Variants in ROS1 observed in about 807,000 individuals in gnomAD.
ROS1 encodes proto-oncogene tyrosine-protein kinase ROS.
A neutral mutation model predicts 273.5 loss-of-function variants in ROS1; 263 were observed. That is an observed-to-expected ratio of 0.96 (90% confidence interval 0.87 to 1.06). ROS1 has a LOEUF of 1.06. ROS1 is among the 50% of genes least tolerant of loss of function. The pLI is 0.00. For synonymous variants in ROS1, 1,008 were observed against 954.1 expected (o/e 1.06, Z -1.04); for missense variants, 2,833 against 2,751.1 (o/e 1.03, Z -0.67).
rs1778554548 is a variant in ROS1 at position 117,348,520 on chromosome 6, C to T, written c.4304-4258G>A. On this transcript the variant is annotated intron_variant, in intron 27 of 43. Coordinates refer to ENST00000368507, the MANE Select transcript of ROS1 (RefSeq NM_001378902.1). ...GGCTTATCAATTTTATTTATCTTTT[C>T]AAAGAACCAGTTTTTGGCTTCATTG... is the stretch of plus-strand genomic sequence containing the variant. 3.3e-5 allele frequency among the ~76,000 whole-genome samples: 5 copies of T among 151,896 alleles called. No homozygotes were observed. In the South Asian group the frequency reaches 1.0e-3, roughly 32 times the overall value.
intron 8 of ROS1, 151 bp downstream of exon 8, chr6:117,396,764 G>T: frequency 1.6e-6 from 1 of 630,474 alleles, no homozygotes; most frequent in Non-Finnish European, 2.8e-6. Flanking sequence ...ATATAAGCCT[G>T]AGGAAAACCA....
Position 117,396,232 on chromosome 6 carries a change from TC to T in ROS1, c.838del (p.Glu280ArgfsTer31), listed in dbSNP as rs753450078. 4 of 1,613,584 alleles carry T rather than the reference TC, an allele frequency of 2.5e-6. No individual in the cohort carries two copies. In the South Asian group the frequency reaches 4.4e-5, roughly 18 times the overall value. ...AATACTAGATTCTGCTTCTGGACCC[TC>T]ACCAACTTCATTTACTGCTGCAATA... The part of the protein sequence containing the change: ...FSIAAVNEVG[E>X]GPEAESSITT... On this transcript the variant is annotated frameshift_variant, in exon 9 of 44. Coordinates refer to ENST00000368507, the MANE Select transcript of ROS1 (RefSeq NM_001378902.1). LOFTEE classifies it high-confidence loss of function.
rs759593741 is a variant in ROS1, at chr6:117,403,133, C to T, written c.604+6G>A. On this transcript the variant is annotated splice_donor_region_variant and intron_variant, in intron 7 of 43. Coordinates refer to ENST00000368507, the MANE Select transcript of ROS1 (RefSeq NM_001378902.1). ...TCCTTTCATAAGAAATGTGTGCACA[C>T]CATACCTCCATGAGGATGAGTCCTG... 4.3e-6 allele frequency: 7 copies of T among 1,613,636 alleles called. No homozygotes were observed. In the South Asian group the frequency reaches 6.6e-5, roughly 15 times the overall value.
chr6:117,339,399 AG>A (rs1190813716), intron 31 of ROS1, among the ~76,000 whole-genome samples: 10 of 152,244 alleles, frequency 6.6e-5, no homozygotes, highest in African/African-American at 2.2e-4. Context: ...ACAGAGACAA[AG>A]TTTATCATTT....
chr6:117,383,905 G>A (rs572142606), intron 16 of ROS1, among the ~76,000 whole-genome samples: 1 of 152,162 alleles, frequency 6.6e-6, no homozygotes, highest in Non-Finnish European at 1.5e-5. Flanking sequence ...TATCAGTGTA[G>A]TTCCCTAATA....
chr6:117,326,135 TTATC>T (rs1776629189), intron 34 of ROS1, 85 bp downstream of exon 34: 2 of 421,254 alleles, frequency 4.7e-6, no homozygotes, highest in Middle Eastern at 6.8e-4. Flanking sequence ...ATAGTCACCA[TTATC>T]TATTGCTAAT....
At chr6:117,385,333 T>C (rs1772475317) in intron 16 of ROS1, among the ~76,000 whole-genome samples, 1 of 152,096 alleles carries the variant, frequency 6.6e-6, no homozygotes, top group Admixed American at 6.5e-5. Context: ...GGCAGGCAGA[T>C]CTCTTGAGGT....
chr6:117,338,403 C>A (rs1321493111), intron 31 of ROS1, among the ~76,000 whole-genome samples: 3 of 151,954 alleles, frequency 2.0e-5, no homozygotes, highest in Admixed American at 2.0e-4. Context: ...CTGCTGATGT[C>A]AGGGACATTG....
At chr6:117,387,631 A>G in intron 14 of ROS1, 149 bp downstream of exon 14, 1 of 682,784 alleles carries the variant, frequency 1.5e-6, no homozygotes, top group Non-Finnish European at 2.4e-6. Context: ...ATAAATATGT[A>G]CTCAATATGT....
intron 27 of ROS1, among the ~76,000 whole-genome samples, chr6:117,349,232 TG>T (rs1413029787): frequency 6.6e-6 from 1 of 152,012 alleles, no homozygotes; most frequent in Admixed American, 6.6e-5. Context: ...TATCAGTTGT[TG>T]CCTCATGTAT....
intron 32 of ROS1, among the ~76,000 whole-genome samples, chr6:117,334,472 C>T (rs1777321173): frequency 6.6e-6 from 1 of 152,164 alleles, no homozygotes; most frequent in African/African-American, 2.4e-5. Context: ...CGTTGACATT[C>T]TTCATAGAAT....
At chr6:117,392,917 A>C (rs1773182033) in intron 12 of ROS1, among the ~76,000 whole-genome samples, 1 of 152,178 alleles carries the variant, frequency 6.6e-6, no homozygotes. Context: ...TCCCATGATA[A>C]AGAAGTGGCA....
At chr6:117,338,470 A>ATGAATCCATAATT (rs1322631596) in intron 31 of ROS1, among the ~76,000 whole-genome samples, 1 of 151,520 alleles carries the variant, frequency 6.6e-6, no homozygotes, top group Admixed American at 6.6e-5. Context: ...TTAATAGCTT[A>ATGAATCCATAATT]ATGAAACGGG....
rs118109309 is a variant in ROS1, at chr6:117,376,409, G to A, written c.2582+2650C>T. On this transcript the variant is annotated intron_variant, in intron 18 of 43. Transcript: ENST00000368507. ...CCAGGTCCAGATGAATTAGCTTGTG[G>A]ACTTTATCAAAACTAAAGAAGAATT... is the stretch of plus-strand genomic sequence containing the variant. 3.3e-3 allele frequency among the ~76,000 whole-genome samples: 508 copies of A among 152,124 alleles called. 7 individuals are homozygous for A. The East Asian group carries it at 0.039, about 12-fold the overall frequency.
At chr6:117,425,205 C>T (rs1280022547) in intron 1 of ROS1, among the ~76,000 whole-genome samples, 1 of 152,124 alleles carries the variant, frequency 6.6e-6, no homozygotes, top group Non-Finnish European at 1.5e-5. Flanking sequence ...AAGACAACTA[C>T]TAATGACTTT....
intron 42 of ROS1, among the ~76,000 whole-genome samples, chr6:117,307,653 C>T (rs959375017): frequency 9.9e-5 from 15 of 152,080 alleles, no homozygotes; most frequent in African/African-American, 3.6e-4. Context: ...TCCCTGTAAA[C>T]ATCGCAGAGA....
At chr6:117,296,326 G>C (rs574653359) in intron 43 of ROS1, among the ~76,000 whole-genome samples, 16 of 152,110 alleles carry the variant, frequency 1.1e-4, no homozygotes, top group African/African-American at 3.9e-4. Context: ...GCTTGAAACT[G>C]AAAGGGGGAG....
rs529997984 is a variant in ROS1 at position 117,355,124 on chromosome 6, G to T, written c.4126+1505C>A. ...CCTAAACTGACTTTGTAGGATTCTT[G>T]CTAAAACTGAACTCAGCAAGGATGG... On this transcript the variant is annotated intron_variant, in intron 26 of 43. Coordinates refer to ENST00000368507, the MANE Select transcript of ROS1 (RefSeq NM_001378902.1). 1.6e-4 allele frequency among the ~76,000 whole-genome samples: 25 copies of T among 152,280 alleles called. No individual in the cohort carries two copies. The South Asian group carries it at 4.6e-3, about 28-fold the overall frequency.
chr6:117,311,024 G>A lies in ROS1; in HGVS notation c.6211C>T (p.His2071Tyr). The change falls in exon 40 of 44, where the codon CAC becomes TAC. Residue 2071 changes from histidine (H) to tyrosine (Y), a missense_variant. Coordinates refer to ENST00000368507, the MANE Select transcript of ROS1 (RefSeq NM_001378902.1). ...GTATCCAGAAGAGAATTGTACCTGT[G>A]AATGAAATGCATCCGTTCCAAGTAG... Reference protein sequence around the residue: ...CVYLERMHFIHRDLAARNCLV... With the variant: ...CVYLERMHFIYRDLAARNCLV... The A allele has an allele frequency of 1.3e-6, 2 of 1,599,438 alleles. No individual in the cohort carries two copies. The highest frequency in any genetic ancestry group is 1.7e-6 in the Non-Finnish European group (2 of 1,169,134).
Sources: gnomAD v4.1 joint callset for allele counts (sites outside exome capture counted in the v4.1 genomes callset) on GRCh38, gnomAD v4.1.1 for gene constraint, MANE v1.5 for transcripts, NCBI Gene and HGNC (gene_info 2026-07-23, HGNC 2026-07-21) for gene names.